Variants in FAM110B observed in about 807,000 individuals in gnomAD.
The protein encoded by FAM110B is protein FAM110B.
FAM110B carries 6 observed loss-of-function variants against 20.4 expected under a neutral mutation model. The observed-to-expected ratio is 0.29, with a 90% CI of 0.16 to 0.58. The LOEUF (loss-of-function observed/expected upper bound fraction) is 0.58. Among genes scored for constraint, FAM110B ranks in the 20% least tolerant of loss-of-function variants. The probability of loss-of-function intolerance (pLI) is 0.90; values close to 1 mark genes in which losing one functional copy is unlikely to be tolerated. For synonymous variants in FAM110B, 226 were observed against 214.1 expected, an observed-to-expected ratio of 1.06 and a Z score of -0.49; for missense variants, 434 against 498.2, an observed-to-expected ratio of 0.87 and a Z score of 1.23.
chr8:58,103,859 C>T (rs979824545), intron 3 of FAM110B, among the ~76,000 whole-genome samples: 10 of 152,176 alleles, frequency 6.6e-5, no homozygotes, highest in Admixed American at 2.6e-4. Context: ...CTAATTGTGA[C>T]ACATTGTTGA....
At chr8:58,051,670 C>T (rs894254177) in intron 2 of FAM110B, among the ~76,000 whole-genome samples, 6 of 152,022 alleles carry the variant, frequency 3.9e-5, no homozygotes, top group Non-Finnish European at 5.9e-5. Flanking sequence ...TTTGGCATTT[C>T]AAATGGTAAA....
At chr8:58,033,902 G>C (rs577630272) in intron 2 of FAM110B, among the ~76,000 whole-genome samples, 6 of 152,228 alleles carry the variant, frequency 3.9e-5, no homozygotes, top group East Asian at 1.9e-4. Context: ...GAGCATTGCT[G>C]CTGGTCTCAG....
chr8:58,091,156 A>T lies in FAM110B; in HGVS notation c.-325+15533A>T, dbSNP rs200657402. On this transcript the variant is annotated intron_variant, in intron 3 of 3. Coordinates refer to ENST00000519262, the MANE Select transcript of FAM110B (RefSeq NM_001377989.1). ...ATGTTAATGCCTCTCGAAAAGGTGA[A>T]CATGGTAAGACAAGATGAGGGCATT... is the stretch of plus-strand genomic sequence containing the variant. 7.9e-5 allele frequency among the ~76,000 whole-genome samples: 12 copies of T among 152,320 alleles called. No homozygotes were observed. The East Asian group carries it at 1.9e-3, about 24-fold the overall frequency.
At chr8:58,138,818 C>T (rs1803680246) in intron 3 of FAM110B, among the ~76,000 whole-genome samples, 1 of 152,228 alleles carries the variant, frequency 6.6e-6, no homozygotes, top group Non-Finnish European at 1.5e-5. Flanking sequence ...GAGTTTTGTG[C>T]TGTTGCACTA....
In FAM110B at chr8:58,086,149, T is replaced by C. The variant is rs188323511; in HGVS notation, c.-325+10526T>C. ...ATGTTCATAACCGAATCTGCAGCTC[T>C]TCTAAGGTAGTCTCCAAGAGGGTTA... is the stretch of plus-strand genomic sequence containing the variant. On this transcript the variant is annotated intron_variant, in intron 3 of 3. Transcript: ENST00000519262. 9.8e-5 allele frequency among the ~76,000 whole-genome samples: 15 copies of C among 152,306 alleles called. No homozygotes were observed. The East Asian group carries it at 2.7e-3, about 27-fold the overall frequency.
At chr8:58,103,002 GAAAAAAAAAAA>G in intron 3 of FAM110B, among the ~76,000 whole-genome samples, 2 of 99,290 alleles carry the variant, frequency 2.0e-5, no homozygotes, top group African/African-American at 6.7e-5. Context: ...TGCTTGTTAT[GAAAAAAAAAAA>G]AAAAAAAAAA....
intron 2 of FAM110B, among the ~76,000 whole-genome samples, chr8:58,051,462 G>A (rs1333462069): frequency 6.6e-6 from 1 of 152,146 alleles, no homozygotes; most frequent in African/African-American, 2.4e-5. Context: ...ACTATTGGTG[G>A]TGGTAGTGCT....
chr8:58,086,941 C>T (rs986040784), intron 3 of FAM110B, among the ~76,000 whole-genome samples: 12 of 152,186 alleles, frequency 7.9e-5, no homozygotes, highest in Admixed American at 2.0e-4. Flanking sequence ...CATCATCTCC[C>T]TTCATTCTCA....
chr8:58,080,137 G>C lies in FAM110B; in HGVS notation c.-325+4514G>C, dbSNP rs147221069. ...GCAACCATGTGGTTAGACATACACT[G>C]GGTATAAAGCCCAAGTCTACCCAAG... is the stretch of plus-strand genomic sequence containing the variant. On this transcript the variant is annotated intron_variant, in intron 3 of 3. Coordinates refer to ENST00000519262, the MANE Select transcript of FAM110B (RefSeq NM_001377989.1). Among the ~76,000 whole-genome samples the C allele has an allele frequency of 3.6e-3, 544 of 152,294 alleles. 3 individuals are homozygous for C. Among genetic ancestry groups the C allele is most frequent in the African/African-American group, 0.013 (526 of 41,560 alleles).
intron 3 of FAM110B, among the ~76,000 whole-genome samples, chr8:58,092,340 C>T (rs1406792322): frequency 1.3e-5 from 2 of 152,068 alleles, no homozygotes; most frequent in Non-Finnish European, 2.9e-5. Context: ...TGGTTTGCTG[C>T]ACCCATCAAC....
At chr8:58,127,397 T>C (rs1447823332) in intron 3 of FAM110B, among the ~76,000 whole-genome samples, 1 of 152,230 alleles carries the variant, frequency 6.6e-6, no homozygotes, top group Non-Finnish European at 1.5e-5. Flanking sequence ...CCTTTCCATA[T>C]AAGTTTTAGC....
intron 3 of FAM110B, among the ~76,000 whole-genome samples, chr8:58,108,543 G>A (rs955263122): frequency 2.0e-5 from 3 of 152,172 alleles, no homozygotes; most frequent in African/African-American, 7.2e-5. Flanking sequence ...GGCTTGGATC[G>A]AGGCTGCTCC....
intron 2 of FAM110B, among the ~76,000 whole-genome samples, chr8:58,073,808 T>G (rs13268233): frequency 0.33 from 50,689 of 152,120 alleles, 11,706 homozygotes; most frequent in African/African-American, 0.66. Context: ...TTTGAGACTG[T>G]ATTGTAACAC....
intron 2 of FAM110B, among the ~76,000 whole-genome samples, chr8:58,063,849 T>C (rs904387243): frequency 4.6e-5 from 7 of 152,208 alleles, no homozygotes; most frequent in Non-Finnish European, 1.0e-4. Flanking sequence ...TGTTTTTGCC[T>C]TATAAAGGTG....
chr8:58,089,997 T>TA (rs1767281974), intron 3 of FAM110B, among the ~76,000 whole-genome samples: 1 of 152,188 alleles, frequency 6.6e-6, no homozygotes, highest in Non-Finnish European at 1.5e-5. Flanking sequence ...CAGGTCCACT[T>TA]ATATTTTCTT....
chr8:58,068,369 T>C (rs1805817550), intron 2 of FAM110B, among the ~76,000 whole-genome samples: 1 of 152,272 alleles, frequency 6.6e-6, no homozygotes, highest in Non-Finnish European at 1.5e-5. Context: ...AAGTTTTCAC[T>C]CTTGAATTTA....
chr8:58,111,618 T>C (rs548263396), intron 3 of FAM110B, among the ~76,000 whole-genome samples: 1 of 152,152 alleles, frequency 6.6e-6, no homozygotes, highest in Non-Finnish European at 1.5e-5. Flanking sequence ...ATATATAAAC[T>C]ACTTTTTAAT....
chr8:58,015,094 G>A (rs1205618986), intron 1 of FAM110B, among the ~76,000 whole-genome samples: 9 of 152,160 alleles, frequency 5.9e-5, no homozygotes, highest in Non-Finnish European at 1.3e-4. Flanking sequence ...GATGGCTCAC[G>A]CCTGTAATCC....
chr8:58,122,160 A>T (rs1807378470), intron 3 of FAM110B, among the ~76,000 whole-genome samples: 1 of 152,118 alleles, frequency 6.6e-6, no homozygotes, highest in Non-Finnish European at 1.5e-5. Context: ...AATTTCCCTC[A>T]ATTTTGAAGA....
Sources: gnomAD v4.1 joint callset for allele counts (sites outside exome capture counted in the v4.1 genomes callset) on GRCh38, gnomAD v4.1.1 for gene constraint, MANE v1.5 for transcripts, NCBI Gene and HGNC (gene_info 2026-07-23, HGNC 2026-07-21) for gene names.